The following BRDT variants were observed in gnomAD, a reference collection of about 807,000 sequenced individuals.
The protein encoded by BRDT is bromodomain testis associated, also known as bromodomain testis-specific protein.
A neutral mutation model predicts 113.9 loss-of-function variants in BRDT; 77 were observed. The ratio of observed to expected loss-of-function variants is 0.68; its 90% CI spans 0.56 to 0.82. The LOEUF (loss-of-function observed/expected upper bound fraction) is 0.82. Ranked by LOEUF, BRDT falls within the 40% of genes least tolerant of loss-of-function variation. The pLI is 0.00. For synonymous variants in BRDT, 358 were observed against 366.5 expected (o/e 0.98, Z 0.26); for missense variants, 1,027 against 1,105.4 (o/e 0.93, Z 1.01).
Position 91,962,701 on chromosome 1 carries a change from C to T in BRDT, c.-37-17C>T, listed in dbSNP as rs895702373. On this transcript the variant is annotated splice_polypyrimidine_tract_variant and intron_variant, in intron 1 of 18. Transcript: ENST00000399546. ...ATTCCTAAAGTGCTTCTGAAGTACT[C>T]AGTTTTTGTTTTTCAGGACATGTAC... 1.4e-6 allele frequency: 2 copies of T among 1,415,320 alleles called. No homozygotes were observed. The highest frequency in any genetic ancestry group is 1.9e-6 in the Non-Finnish European group (2 of 1,057,162). The allele number at this position is 1,415,320 out of a possible 1,614,324, so 87.7% of individuals were successfully genotyped here. A position where few individuals can be genotyped will look rare whatever the true frequency, so the allele number is the denominator to read the frequency against.
rs146625443 is a variant in BRDT at position 92,011,125 on chromosome 1, T to C, written c.2776-3081T>C. 2.0e-5 allele frequency among the ~76,000 whole-genome samples: 3 copies of C among 152,308 alleles called. No homozygotes were observed. The East Asian group carries it at 5.8e-4, about 29-fold the overall frequency. The stretch of plus-strand genomic sequence containing the variant: ...AGTATTGGTTAAAGTACAAATTAAT[T>C]TTCTAGGGAATAACAAAAGTTCTGT... On this transcript the variant is annotated intron_variant, in intron 18 of 18. Transcript: ENST00000399546.
intron 4 of BRDT, among the ~76,000 whole-genome samples, chr1:91,973,617 C>T (rs1409310447): frequency 1.3e-5 from 2 of 152,158 alleles, no homozygotes; most frequent in Admixed American, 1.3e-4. Flanking sequence ...GTGATTTTCA[C>T]ACATTGATTT....
At chr1:91,960,573 TAG>T (rs1237690393) in intron 1 of BRDT, among the ~76,000 whole-genome samples, 1 of 152,186 alleles carries the variant, frequency 6.6e-6, no homozygotes, top group Non-Finnish European at 1.5e-5. Flanking sequence ...TTAATGCACA[TAG>T]AGTTTCTGTT....
chr1:91,968,975 C>T (rs1413199907), intron 4 of BRDT, among the ~76,000 whole-genome samples: 5 of 151,904 alleles, frequency 3.3e-5, no homozygotes, highest in African/African-American at 4.8e-5. Flanking sequence ...TTCACTCTGT[C>T]GCCCAGGCTG....
chr1:92,005,324 T>C (rs1440284236), intron 18 of BRDT, 25 bp downstream of exon 18: 1 of 1,491,980 alleles, frequency 6.7e-7, no homozygotes, highest in Admixed American at 2.5e-5. Flanking sequence ...GTTTACTAAA[T>C]CTAATTTAAC....
intron 1 of BRDT, among the ~76,000 whole-genome samples, chr1:91,960,438 T>C (rs147254299): frequency 6.6e-6 from 1 of 152,170 alleles, no homozygotes; most frequent in Non-Finnish European, 1.5e-5. Flanking sequence ...AATAAACCAA[T>C]CACAAAAAAG....
intron 1 of BRDT, among the ~76,000 whole-genome samples, chr1:91,954,271 ATTTTTTTTTTTTT>A (rs34674557): frequency 1.3e-5 from 1 of 79,764 alleles, no homozygotes; most frequent in Non-Finnish European, 2.3e-5. Context: ...GGTGCTCGGC[ATTTTTTTTTTTTT>A]TTTTTTTTTT....
chr1:91,959,746 G>T (rs141712727), intron 1 of BRDT, among the ~76,000 whole-genome samples: 102 of 152,148 alleles, frequency 6.7e-4, no homozygotes, highest in Middle Eastern at 3.4e-3. Context: ...GCCTACCAAA[G>T]TTCTGGGATT....
intron 18 of BRDT, among the ~76,000 whole-genome samples, chr1:92,007,415 T>C (rs532625350): frequency 5.9e-5 from 9 of 152,186 alleles, no homozygotes; most frequent in Non-Finnish European, 1.0e-4. Flanking sequence ...TAGACCCCAG[T>C]GTCTGCTGTT....
intron 4 of BRDT, 128 bp downstream of exon 4, chr1:91,968,388 A>G: frequency 7.5e-7 from 1 of 1,340,228 alleles, no homozygotes; most frequent in Non-Finnish European, 1.0e-6. Flanking sequence ...TTAATAAAAA[A>G]TGTCCATTTG....
chr1:91,994,511 A>C (rs5014048), intron 15 of BRDT, among the ~76,000 whole-genome samples: 10,033 of 152,160 alleles, frequency 0.066, 347 homozygotes, highest in Non-Finnish European at 0.087. Flanking sequence ...CCCAGATCTG[A>C]GCAGATCTGG....
In BRDT at chr1:91,980,650, C is replaced by A; in HGVS notation, c.1295C>A (p.Ala432Asp). 4 of 1,564,198 alleles carry A rather than the reference C, an allele frequency of 2.6e-6. No individual in the cohort carries two copies. The highest frequency in any genetic ancestry group is 2.5e-5 in the South Asian group (2 of 80,246). The change falls in exon 9 of 19, where the codon GCT (alanine) becomes GAT (aspartate). Residue 432 changes from alanine (A) to aspartate (D), a missense_variant. Physicochemically the swap from Ala to Asp is moderately radical, Grantham distance 126. Coordinates refer to ENST00000399546, the MANE Select transcript of BRDT (RefSeq NM_207189.4). ...TTTTTTTTCTTTTATCAGCTTAAAG[C>A]TGTACATCAACAGCTCCAGGTTTTG... ...RLAKLQEQLKAVHQQLQVLSQ... is the reference protein window; with the variant it reads ...RLAKLQEQLKDVHQQLQVLSQ...
chr1:92,007,771 G>A (rs1300668732), intron 18 of BRDT, among the ~76,000 whole-genome samples: 3 of 151,952 alleles, frequency 2.0e-5, no homozygotes, highest in Non-Finnish European at 2.9e-5. Flanking sequence ...ATTCCTCCCC[G>A]TCAGCCTTAT....
chr1:92,000,732 G>A (rs1296798980), intron 15 of BRDT, among the ~76,000 whole-genome samples: 13 of 152,166 alleles, frequency 8.5e-5, no homozygotes, highest in Admixed American at 8.5e-4. Flanking sequence ...TATGACTAGA[G>A]AGAATTGAAT....
At chr1:91,967,769 A>G (rs576805591) in intron 3 of BRDT, among the ~76,000 whole-genome samples, 14 of 151,994 alleles carry the variant, frequency 9.2e-5, no homozygotes, top group African/African-American at 2.4e-4. Flanking sequence ...CCGACCTCAG[A>G]TGATCTACCC....
At chr1:91,951,695 C>A (rs1305731727) in intron 1 of BRDT, among the ~76,000 whole-genome samples, 1 of 151,814 alleles carries the variant, frequency 6.6e-6, no homozygotes, top group African/African-American at 2.4e-5. Context: ...ATTGCTTAAA[C>A]CTGGAGGGGC....
chr1:91,953,779 A>T (rs1361300880), intron 1 of BRDT, among the ~76,000 whole-genome samples: 1 of 152,186 alleles, frequency 6.6e-6, no homozygotes, highest in African/African-American at 2.4e-5. Context: ...TAACAAGGGG[A>T]TGCTACACTA....
chr1:91,967,478 A>G (rs898307170), intron 3 of BRDT, among the ~76,000 whole-genome samples: 1 of 148,886 alleles, frequency 6.7e-6, no homozygotes, highest in Non-Finnish European at 1.5e-5. Context: ...AGCTCACCTC[A>G]ACCTCTGCCT....
intron 4 of BRDT, among the ~76,000 whole-genome samples, chr1:91,975,143 A>C (rs1684007663): frequency 6.6e-6 from 1 of 151,794 alleles, no homozygotes; most frequent in East Asian, 1.9e-4. Context: ...GGGTAGGGGG[A>C]GTGGGGAGGG....
Sources: gnomAD v4.1 joint callset for allele counts (sites outside exome capture counted in the v4.1 genomes callset) on GRCh38, gnomAD v4.1.1 for gene constraint, MANE v1.5 for transcripts, NCBI Gene and HGNC (gene_info 2026-07-23, HGNC 2026-07-21) for gene names.